PRKCI: variants seen among roughly 807,000 people sequenced by gnomAD.
PRKCI encodes the protein protein kinase C iota.
PRKCI carries 43 observed loss-of-function variants against 84.0 expected under a neutral mutation model. The ratio of observed to expected loss-of-function variants is 0.51; its 90% CI spans 0.40 to 0.66. PRKCI has a LOEUF of 0.66. Ranked by LOEUF, PRKCI falls within the 30% of genes least tolerant of loss-of-function variation. The pLI is 0.00. For synonymous variants in PRKCI, 216 were observed against 234.4 expected (o/e 0.92, Z 0.72); for missense variants, 459 against 745.6 (o/e 0.62, Z 4.48).
Position 170,293,436 on chromosome 3 carries a change from G to A in PRKCI, c.1345G>A (p.Gly449Arg). 6.2e-7 allele frequency: 1 copy of A among 1,613,576 alleles called. No individual in the cohort carries two copies. Among genetic ancestry groups the A allele is most frequent in the Non-Finnish European group, 8.5e-7 (1 of 1,179,566 alleles). ...AGTGCTCATGTTTGAGATGATGGCA[G>A]GAAGGTCTCCATTTGATATTGTTGG... ...LGVLMFEMMA[G>R]RSPFDIVGSS... The change falls in exon 14 of 18, where the codon GGA (glycine) becomes AGA (arginine). Residue 449 changes from glycine to arginine, a missense_variant. By Grantham distance (125) the Gly-to-Arg change is moderately radical. Around this residue, in one of 2 missense-constraint regions of PRKCI, gnomAD observed 209 missense variants for 425.9 expected, o/e 0.49. Coordinates refer to ENST00000295797, the MANE Select transcript of PRKCI (RefSeq NM_002740.6).
chr3:170,270,312 T>C, intron 5 of PRKCI, 109 bp from the exon 6 acceptor site: 1 of 1,120,696 alleles, frequency 8.9e-7, no homozygotes, highest in Non-Finnish European at 1.2e-6. Context: ...TTGTTTTTGT[T>C]GTGGGCTGAC....
chr3:170,255,373 T>A (rs73034370), intron 2 of PRKCI, among the ~76,000 whole-genome samples: 2 of 152,192 alleles, frequency 1.3e-5, no homozygotes, highest in African/African-American at 4.8e-5. Flanking sequence ...ATCTTTCACT[T>A]CTTTTGTGAT....
intron 12 of PRKCI, among the ~76,000 whole-genome samples, chr3:170,290,289 AC>A (rs1214113211): frequency 6.6e-6 from 1 of 151,860 alleles, no homozygotes; most frequent in Non-Finnish European, 1.5e-5. Flanking sequence ...TTGTCTTTAG[AC>A]TTTTTTATTG....
intron 7 of PRKCI, 42 bp from the exon 8 acceptor site, chr3:170,275,187 C>CTTT: frequency 2.7e-5 from 36 of 1,310,440 alleles, no homozygotes; most frequent in South Asian, 1.3e-4. Flanking sequence ...TCTCCTGCAC[C>CTTT]TTTTTTTTTT....
At chr3:170,289,751 A>G (rs139035414) in intron 12 of PRKCI, among the ~76,000 whole-genome samples, 221 of 152,280 alleles carry the variant, frequency 1.5e-3, no homozygotes, top group Middle Eastern at 3.4e-3. Flanking sequence ...CGTCACTACT[A>G]AAAATAAAAA....
intron 2 of PRKCI, among the ~76,000 whole-genome samples, chr3:170,256,592 T>C (rs184673222): frequency 7.8e-4 from 119 of 152,302 alleles, no homozygotes; most frequent in African/African-American, 2.7e-3. Flanking sequence ...GGTTTGTTGA[T>C]ACTATTTGTC....
rs80170537 is a variant in PRKCI at position 170,256,849 on chromosome 3, T to C, written c.224-3120T>C. On this transcript the variant is annotated intron_variant, in intron 2 of 17. Transcript: ENST00000295797. ...TTAGTACTGCTTTCACTGTATCCCA[T>C]TGGTTTTGGTAGTAGTTGTGTTTCT... is the stretch of plus-strand genomic sequence containing the variant. Among the ~76,000 whole-genome samples the C allele has an allele frequency of 3.3e-5, 5 of 152,284 alleles. No homozygotes were observed. The East Asian group carries it at 9.6e-4, about 29-fold the overall frequency.
chr3:170,227,836 G>A (rs1382028673), intron 1 of PRKCI, among the ~76,000 whole-genome samples: 1 of 151,932 alleles, frequency 6.6e-6, no homozygotes, highest in Non-Finnish European at 1.5e-5. Context: ...AAATTAGTAT[G>A]GGAGATGGAT....
At chr3:170,238,589 C>CTTTTCTTTT (rs1733041556) in intron 2 of PRKCI, among the ~76,000 whole-genome samples, 1 of 140,214 alleles carries the variant, frequency 7.1e-6, no homozygotes, top group South Asian at 2.3e-4. Context: ...ATGAACATTT[C>CTTTTCTTTT]TTTTCTTTTT....
chr3:170,250,202 G>A (rs113225223), intron 2 of PRKCI, among the ~76,000 whole-genome samples: 10,306 of 151,354 alleles, frequency 0.068, 535 homozygotes, highest in South Asian at 0.17. Flanking sequence ...GAACCTGGGA[G>A]CTGGAGGTTG....
chr3:170,296,880 G>A (rs1734698237), intron 15 of PRKCI, among the ~76,000 whole-genome samples: 1 of 152,142 alleles, frequency 6.6e-6, no homozygotes, highest in African/African-American at 2.4e-5. Context: ...TTGTATCATT[G>A]TCTTACACAG....
chr3:170,249,854 T>C (rs1222446913), intron 2 of PRKCI, among the ~76,000 whole-genome samples: 1 of 152,018 alleles, frequency 6.6e-6, no homozygotes, highest in East Asian at 1.9e-4. Flanking sequence ...GAGATAAATT[T>C]ACGTAACTGA....
chr3:170,293,482 A>G lies in PRKCI; in HGVS notation c.1391A>G (p.Gln464Arg), dbSNP rs554559908. The G allele has an allele frequency of 1.9e-6, 3 of 1,613,788 alleles. No homozygotes were observed. The highest frequency in any genetic ancestry group is 2.5e-6 in the Non-Finnish European group (3 of 1,179,792). Residue 464 changes from glutamine to arginine, a missense_variant, in exon 14 of 18, where the codon CAG becomes CGG. Coordinates refer to ENST00000295797, the MANE Select transcript of PRKCI (RefSeq NM_002740.6). ...GTTGGGAGCTCCGATAACCCTGACC[A>G]GAACACAGAGGATTATCTCTTCCAA... ...DIVGSSDNPDQNTEDYLFQVI... is the reference protein window; with the variant it reads ...DIVGSSDNPDRNTEDYLFQVI...
Position 170,265,961 on chromosome 3 carries a change from A to G in PRKCI, c.365-1954A>G, listed in dbSNP as rs865953332. Reference sequence around the variant, plus strand: ...GTATTAAGCTATCCTGAGATTTCTAATTGAGAGCATTGCAACTGGTCTTTA... The same window carrying G: ...GTATTAAGCTATCCTGAGATTTCTAGTTGAGAGCATTGCAACTGGTCTTTA... On this transcript the variant is annotated intron_variant, in intron 4 of 17. Transcript: ENST00000295797. Among the ~76,000 whole-genome samples, 17 of 152,110 alleles carry G rather than the reference A, an allele frequency of 1.1e-4. 1 individual carries two copies. The highest frequency in any genetic ancestry group is 2.4e-4 in the African/African-American group (10 of 41,420).
At chr3:170,283,929 A>G (rs1359054430) in intron 11 of PRKCI, among the ~76,000 whole-genome samples, 2 of 152,168 alleles carry the variant, frequency 1.3e-5, no homozygotes, top group East Asian at 1.9e-4. Context: ...TTCATTTAAT[A>G]TTAAATTTTA....
chr3:170,287,196 T>A (rs2108862418), intron 12 of PRKCI, among the ~76,000 whole-genome samples: 1 of 151,634 alleles, frequency 6.6e-6, no homozygotes, highest in South Asian at 2.1e-4. Flanking sequence ...TTACACTGGG[T>A]TGGTTGTGCT....
intron 8 of PRKCI, among the ~76,000 whole-genome samples, chr3:170,276,236 G>T (rs1050381590): frequency 1.3e-5 from 2 of 152,130 alleles, no homozygotes; most frequent in Middle Eastern, 3.4e-3. Flanking sequence ...ACCATGCCCA[G>T]CCAAAACTTT....
intron 2 of PRKCI, among the ~76,000 whole-genome samples, chr3:170,249,521 G>A (rs28711640): frequency 0.01 from 1,530 of 152,246 alleles, 34 homozygotes; most frequent in African/African-American, 0.035. Context: ...GGGCGTGGTG[G>A]CTCACGCCTG....
intron 13 of PRKCI, among the ~76,000 whole-genome samples, chr3:170,293,100 AAC>A (rs1171346749): frequency 3.3e-5 from 5 of 152,022 alleles, no homozygotes; most frequent in Non-Finnish European, 7.4e-5. Flanking sequence ...TTATATCCTC[AAC>A]ACACAATATT....
Sources: allele counts gnomAD v4.1 joint callset (sites outside exome capture counted in the v4.1 genomes callset), GRCh38; gene constraint gnomAD v4.1.1; regional missense constraint gnomAD v4.1.1; transcripts MANE v1.5; gene names NCBI Gene and HGNC (gene_info 2026-07-23, HGNC 2026-07-21).